The following PCDH15 variants were observed in gnomAD, a reference collection of about 807,000 sequenced individuals.
PCDH15 encodes the protein protocadherin-15.
Under a neutral mutation model 178.5 loss-of-function variants are expected in PCDH15, and 129 were observed. That is an observed-to-expected ratio of 0.72 (90% CI 0.63 to 0.84). The LOEUF (loss-of-function observed/expected upper bound fraction) is 0.84, where lower values mean the gene tolerates loss of function less well. PCDH15 is among the 40% of genes least tolerant of loss of function. The pLI is 0.00. For missense variants in PCDH15, 2,230 were observed against 2,099.9 expected (o/e 1.06, Z -1.21); for synonymous variants, 800 against 732.0 (o/e 1.09, Z -1.50).
At chr10:54,248,769 C>A (rs1354239074) in intron 8 of PCDH15, among the ~76,000 whole-genome samples, 1 of 152,014 alleles carries the variant, frequency 6.6e-6, no homozygotes, top group African/African-American at 2.4e-5. Flanking sequence ...TAACAACAAA[C>A]AGACATTCAA....
rs546967775 is a variant in PCDH15 at position 54,223,477 on chromosome 10, C to T, written c.986-9429G>A. ...GTACGGATTGAAGTTTATTTGTTTA[C>T]ATATGGCTGTCCAATTGTTCTGCAA... On this transcript the variant is annotated intron_variant, in intron 9 of 37. Coordinates refer to ENST00000644397, the MANE Select transcript of PCDH15 (RefSeq NM_001384140.1). Among the ~76,000 whole-genome samples, 3 of 69,068 alleles carry T rather than the reference C, an allele frequency of 4.3e-5. No homozygotes were observed. In the East Asian group the frequency reaches 6.5e-4, roughly 15 times the overall value. The allele number at this position is 69,068 out of a possible 152,430, so 45.3% of individuals were successfully genotyped here. A position where few individuals can be genotyped will look rare whatever the true frequency, so the allele number is the denominator to read the frequency against.
intron 3 of PCDH15, among the ~76,000 whole-genome samples, chr10:54,380,233 T>C (rs1480580532): frequency 6.6e-6 from 1 of 152,070 alleles, no homozygotes; most frequent in Non-Finnish European, 1.5e-5. Context: ...CATACTTTTG[T>C]AAATGGCACA....
At chr10:55,421,403 A>G (rs2132045895) in intron 2 of PCDH15, among the ~76,000 whole-genome samples, 1 of 140,848 alleles carries the variant, frequency 7.1e-6, no homozygotes, top group Non-Finnish European at 1.5e-5. Flanking sequence ...GTAAATTTTA[A>G]TATATTTATT....
chr10:54,764,973 A>G (rs951777829), intron 1 of PCDH15, among the ~76,000 whole-genome samples: 4 of 152,202 alleles, frequency 2.6e-5, no homozygotes, highest in African/African-American at 9.6e-5. Flanking sequence ...TATCCTAACT[A>G]TGAATGAGAA....
chr10:54,224,766 T>C (rs542716837), intron 9 of PCDH15, among the ~76,000 whole-genome samples: 17 of 152,202 alleles, frequency 1.1e-4, no homozygotes, highest in Non-Finnish European at 1.9e-4. Context: ...AATTTTAACT[T>C]TAGCACTTTT....
intron 18 of PCDH15, among the ~76,000 whole-genome samples, chr10:54,032,618 A>G (rs80058222): frequency 0.027 from 4,180 of 152,192 alleles, 192 homozygotes; most frequent in African/African-American, 0.096. Flanking sequence ...TAGAAGAAAT[A>G]TAAGAAAATA....
At chr10:54,730,569 A>T (rs57934513) in intron 1 of PCDH15, among the ~76,000 whole-genome samples, 18,478 of 151,464 alleles carry the variant, frequency 0.12, 1,255 homozygotes, top group African/African-American at 0.17. Context: ...ACAAATCATA[A>T]GAAAGTAATC....
chr10:54,006,379 A>G (rs2135092838), intron 20 of PCDH15, among the ~76,000 whole-genome samples: 1 of 152,290 alleles, frequency 6.6e-6, no homozygotes, highest in Admixed American at 6.5e-5. Context: ...AAGTTGTAAA[A>G]AACAATATTA....
chr10:54,599,770 T>C, intron 2 of PCDH15: 3 of 516,378 alleles, frequency 5.8e-6, no homozygotes, highest in South Asian at 5.5e-5. Context: ...GGGTGATAAG[T>C]TAGACCAAGC....
intron 2 of PCDH15, among the ~76,000 whole-genome samples, chr10:55,522,483 A>C (rs1841201667): frequency 6.6e-6 from 1 of 151,718 alleles, no homozygotes; most frequent in Non-Finnish European, 1.5e-5. Context: ...TTTGCTTTAT[A>C]TATGTTATTG....
At chr10:54,916,522 G>T (rs1334131695) in intron 2 of PCDH15, among the ~76,000 whole-genome samples, 1 of 151,980 alleles carries the variant, frequency 6.6e-6, no homozygotes, top group Non-Finnish European at 1.5e-5. Flanking sequence ...AGCTTAATGG[G>T]GTGATTTGTT....
chr10:55,001,997 T>C (rs1839805654), intron 2 of PCDH15, among the ~76,000 whole-genome samples: 1 of 152,242 alleles, frequency 6.6e-6, no homozygotes, highest in Non-Finnish European at 1.5e-5. Flanking sequence ...TTATCACTGA[T>C]GGGCCTTCAT....
Position 53,810,640 on chromosome 10 carries a change from A to T in PCDH15, c.4587T>A (p.Ser1529Arg). ...CAGCTGGTGGTAACAATCGACGGCGACTCCCATATTGAGGCATTTCATACC... is the reference window on the plus strand; with the variant it reads ...CAGCTGGTGGTAACAATCGACGGCGTCTCCCATATTGAGGCATTTCATACC... ...EHGYEMPQYGSRRRLLPPAGQ... is the reference protein window; with the variant it reads ...EHGYEMPQYGRRRRLLPPAGQ... The change falls in exon 37 of 38, where the codon AGT becomes AGA. Residue 1529 changes from serine (S) to arginine (R), a missense_variant. By Grantham distance (110) the Ser-to-Arg change is moderately radical (BLOSUM62 -1). Transcript: ENST00000644397. The T allele has an allele frequency of 2.5e-6, 4 of 1,613,456 alleles. No homozygotes were observed. Among genetic ancestry groups the T allele is most frequent in the Non-Finnish European group, 3.4e-6 (4 of 1,179,730 alleles).
At chr10:55,609,152 TCTGAC>T (rs781735278) in intron 2 of PCDH15, among the ~76,000 whole-genome samples, 5 of 152,050 alleles carry the variant, frequency 3.3e-5, no homozygotes, top group Admixed American at 1.3e-4. Flanking sequence ...AAAAATGACA[TCTGAC>T]CTGATTGGGA....
At chr10:54,704,178 T>C (rs764992710) in intron 1 of PCDH15, among the ~76,000 whole-genome samples, 150 of 152,120 alleles carry the variant, frequency 9.9e-4, no homozygotes, top group Admixed American at 2.0e-3. Context: ...GAAATACCAT[T>C]CTGGACATAG....
chr10:54,749,561 T>C (rs1398176250), intron 1 of PCDH15, among the ~76,000 whole-genome samples: 1 of 152,162 alleles, frequency 6.6e-6, no homozygotes, highest in Non-Finnish European at 1.5e-5. Context: ...TTAGAATCTC[T>C]TCAAATTTGT....
intron 2 of PCDH15, among the ~76,000 whole-genome samples, chr10:55,151,102 G>T (rs2799587): frequency 0.9 from 137,247 of 152,084 alleles, 62,581 homozygotes; most frequent in Non-Finnish European, 0.97. Flanking sequence ...TAGATCCCAC[G>T]GCATATTCTT....
At chr10:54,257,946 C>T (rs775391059) in intron 8 of PCDH15, among the ~76,000 whole-genome samples, 20 of 152,056 alleles carry the variant, frequency 1.3e-4, no homozygotes, top group African/African-American at 2.9e-4. Context: ...GCATGGGGCA[C>T]GGCCCAGTAC....
At chr10:54,694,001 C>T (rs567519237) in intron 1 of PCDH15, among the ~76,000 whole-genome samples, 1 of 152,250 alleles carries the variant, frequency 6.6e-6, no homozygotes, top group East Asian at 1.9e-4. Flanking sequence ...GGATTTTCCA[C>T]TGTGATTAAC....
Sources: gnomAD v4.1 joint callset for allele counts (sites outside exome capture counted in the v4.1 genomes callset) on GRCh38, gnomAD v4.1.1 for gene constraint, MANE v1.5 for transcripts, NCBI Gene and HGNC (gene_info 2026-07-23, HGNC 2026-07-21) for gene names.